The following LRRTM3 variants were observed in gnomAD, a reference collection of about 807,000 sequenced individuals.
The protein encoded by LRRTM3 is leucine rich repeat transmembrane neuronal 3.
LRRTM3 carries 24 observed loss-of-function variants against 44.7 expected under a neutral mutation model. That is an observed-to-expected ratio of 0.54 (90% CI 0.39 to 0.76). The LOEUF (loss-of-function observed/expected upper bound fraction) is 0.76, where lower values mean the gene tolerates loss of function less well. Among genes scored for constraint, LRRTM3 ranks in the 30% least tolerant of loss-of-function variants. The pLI is 0.00. For missense variants in LRRTM3, 587 were observed against 702.2 expected, an observed-to-expected ratio of 0.84 and a Z score of 1.85; for synonymous variants, 277 against 278.7, an observed-to-expected ratio of 0.99 and a Z score of 0.06.
intron 2 of LRRTM3, among the ~76,000 whole-genome samples, chr10:67,093,178 C>A (rs1201026470): frequency 6.6e-6 from 1 of 151,722 alleles, no homozygotes; most frequent in Admixed American, 6.6e-5. Context: ...TTAAATAGAG[C>A]CTTCCAACAA....
intron 2 of LRRTM3, among the ~76,000 whole-genome samples, chr10:67,079,524 T>C (rs1187825008): frequency 2.0e-5 from 3 of 152,194 alleles, no homozygotes; most frequent in South Asian, 2.1e-4. Context: ...ATTAAGCATC[T>C]GTGTTATAAT....
intron 2 of LRRTM3, among the ~76,000 whole-genome samples, chr10:67,006,513 T>C (rs7907118): frequency 1.2e-4 from 16 of 138,828 alleles, no homozygotes; most frequent in African/African-American, 4.2e-4. Context: ...AGCTTTTTCC[T>C]GGGACAAATC....
At chr10:66,929,403 T>C (rs1325715157) in intron 2 of LRRTM3, among the ~76,000 whole-genome samples, 1 of 152,204 alleles carries the variant, frequency 6.6e-6, no homozygotes, top group Non-Finnish European at 1.5e-5. Context: ...CTAATGTAGT[T>C]AGTAGAATCC....
At chr10:66,926,642 C>T in intron 1 of LRRTM3, 55 bp downstream of exon 1, 2 of 1,578,668 alleles carry the variant, frequency 1.3e-6, no homozygotes, top group South Asian at 1.1e-5. Context: ...CAAAAAACCT[C>T]TAGTGTGTGT....
chr10:66,997,124 A>G (rs1851399053), intron 2 of LRRTM3, among the ~76,000 whole-genome samples: 3 of 152,202 alleles, frequency 2.0e-5, no homozygotes, highest in Admixed American at 2.0e-4. Flanking sequence ...TGATCTGCAC[A>G]TCAAACAGCT....
intron 2 of LRRTM3, among the ~76,000 whole-genome samples, chr10:66,947,291 G>A (rs537622383): frequency 1.3e-5 from 2 of 152,074 alleles, no homozygotes; most frequent in African/African-American, 4.8e-5. Context: ...TGCATTTCTT[G>A]AGTTGTTCTG....
intron 2 of LRRTM3, among the ~76,000 whole-genome samples, chr10:67,074,488 C>T (rs1461431786): frequency 1.3e-5 from 2 of 151,284 alleles, no homozygotes; most frequent in Non-Finnish European, 2.9e-5. Flanking sequence ...GTAGCTGGGA[C>T]TACAGGCGCC....
chr10:67,053,723 T>C (rs896857687), intron 2 of LRRTM3, among the ~76,000 whole-genome samples: 1 of 151,986 alleles, frequency 6.6e-6, no homozygotes, highest in Non-Finnish European at 1.5e-5. Context: ...AAATAAATGG[T>C]GGTAAGCAAT....
intron 2 of LRRTM3, among the ~76,000 whole-genome samples, chr10:67,028,197 C>T (rs745866762): frequency 3.9e-4 from 60 of 152,250 alleles, no homozygotes; most frequent in Non-Finnish European, 6.3e-4. Context: ...TGGAGTTTCC[C>T]ATCCACTCTT....
intron 2 of LRRTM3, among the ~76,000 whole-genome samples, chr10:67,024,904 G>A (rs1342607602): frequency 6.6e-6 from 1 of 151,988 alleles, no homozygotes; most frequent in African/African-American, 2.4e-5. Context: ...GCCAAGGCGG[G>A]CGGATCACCT....
rs372182192 is a variant in LRRTM3 at position 66,927,010 on chromosome 10, C to G, written c.94C>G (p.Arg32Gly). The change falls in exon 2 of 3, where the codon CGA becomes GGA. Residue 32 changes from arginine to glycine, a missense_variant. Arg to Gly is a moderately radical substitution (Grantham distance 125). Coordinates refer to ENST00000361320, the MANE Select transcript of LRRTM3 (RefSeq NM_178011.5). This position sits in a 1 kb window ranked among gnomAD's most constrained non-coding sequence, Gnocchi z 4.7. ...VLLTMLSSAE[R>G]GCPKGCRCEG... ...ACTGACAATGCTTTCTTCTGCCGAACGAGGATGCCCTAAGGGCTGTAGGTG... is the reference window on the plus strand; with the variant it reads ...ACTGACAATGCTTTCTTCTGCCGAAGGAGGATGCCCTAAGGGCTGTAGGTG... The G allele has an allele frequency of 4.3e-6, 7 of 1,613,938 alleles. No homozygotes were observed. Among genetic ancestry groups the G allele is most frequent in the Admixed American group, 1.7e-5 (1 of 59,992 alleles).
intron 2 of LRRTM3, among the ~76,000 whole-genome samples, chr10:67,018,530 A>C (rs1405413572): frequency 6.6e-6 from 1 of 152,208 alleles, no homozygotes; most frequent in Admixed American, 6.5e-5. Flanking sequence ...ATGACCTTTA[A>C]ATAAGGTTTC....
rs372182192 is a variant in LRRTM3 at position 66,927,010 on chromosome 10, C to T, written c.94C>T (p.Arg32Ter). The change falls in exon 2 of 3, where the codon CGA becomes TGA. Residue 32 changes from arginine to a stop codon, truncating the protein, a stop_gained. Coordinates refer to ENST00000361320, the MANE Select transcript of LRRTM3 (RefSeq NM_178011.5). LOFTEE classifies it high-confidence loss of function. The surrounding 1 kb of genome is among the most constrained non-coding windows in gnomAD (Gnocchi z 4.7). ...VLLTMLSSAE[R>*]GCPKGCRCEG... ...ACTGACAATGCTTTCTTCTGCCGAA[C>T]GAGGATGCCCTAAGGGCTGTAGGTG... 1 of 1,614,056 alleles carries T rather than the reference C, an allele frequency of 6.2e-7. No homozygotes were observed. The highest frequency in any genetic ancestry group is 1.1e-5 in the South Asian group (1 of 91,068).
chr10:67,002,642 G>A (rs922680281), intron 2 of LRRTM3, among the ~76,000 whole-genome samples: 2 of 152,030 alleles, frequency 1.3e-5, no homozygotes, highest in African/African-American at 4.8e-5. Context: ...GGCTAGCTGG[G>A]TACTGGGCCA....
intron 2 of LRRTM3, among the ~76,000 whole-genome samples, chr10:67,095,579 G>T (rs1857940282): frequency 6.6e-6 from 1 of 151,700 alleles, no homozygotes; most frequent in Admixed American, 6.6e-5. Flanking sequence ...CACACACACA[G>T]AATAAATGTA....
intron 2 of LRRTM3, among the ~76,000 whole-genome samples, chr10:67,081,673 C>A (rs532906152): frequency 1.6e-4 from 25 of 152,254 alleles, no homozygotes; most frequent in African/African-American, 4.8e-4. Flanking sequence ...TTTGCTCCTG[C>A]CATTTTGAGT....
chr10:67,041,799 A>G (rs1274310945), intron 2 of LRRTM3, among the ~76,000 whole-genome samples: 1 of 152,158 alleles, frequency 6.6e-6, no homozygotes, highest in African/African-American at 2.4e-5. Context: ...GAATTCAGTA[A>G]GGAAAGAATG....
intron 2 of LRRTM3, among the ~76,000 whole-genome samples, chr10:67,091,329 G>A (rs1857620815): frequency 6.6e-6 from 1 of 151,804 alleles, no homozygotes; most frequent in Admixed American, 6.6e-5. Flanking sequence ...TAAAGACAGT[G>A]TGATACATAC....
Position 67,053,134 on chromosome 10 carries a change from A to T in LRRTM3, c.1537-44453A>T, listed in dbSNP as rs142891585. On this transcript the variant is annotated intron_variant, in intron 2 of 2. Coordinates refer to ENST00000361320, the MANE Select transcript of LRRTM3 (RefSeq NM_178011.5). ...GTAATGGTAATATAATTACTTTATCATAGTATTCTGTTTTCTGGGAACCAA... is the reference window on the plus strand; with the variant it reads ...GTAATGGTAATATAATTACTTTATCTTAGTATTCTGTTTTCTGGGAACCAA... Among the ~76,000 whole-genome samples the T allele has an allele frequency of 9.1e-4, 139 of 152,314 alleles. 3 individuals are homozygous for T. The highest frequency in any genetic ancestry group is 3.2e-3 in the African/African-American group (134 of 41,584).
Sources: allele counts gnomAD v4.1 joint callset (sites outside exome capture counted in the v4.1 genomes callset), GRCh38; gene constraint gnomAD v4.1.1; non-coding constraint Gnocchi (gnomAD v3.1); transcripts MANE v1.5; gene names NCBI Gene and HGNC (gene_info 2026-07-23, HGNC 2026-07-21).